Variants in CEP170B observed in about 807,000 individuals in gnomAD.
CEP170B encodes the protein centrosomal protein 170B.
CEP170B carries 55 observed loss-of-function variants against 120.6 expected under a neutral mutation model. The observed-to-expected ratio is 0.46, with a 90% CI of 0.37 to 0.57. The LOEUF (loss-of-function observed/expected upper bound fraction) is 0.57. Ranked by LOEUF, CEP170B falls within the 20% of genes least tolerant of loss-of-function variation. CEP170B has a pLI of 0.00. For synonymous variants in CEP170B, 1,033 were observed against 954.5 expected (o/e 1.08, Z -1.52); for missense variants, 2,212 against 2,253.3 (o/e 0.98, Z 0.37).
At chr14:104,874,952 GC>G (rs1042160442) in intron 2 of CEP170B, among the ~76,000 whole-genome samples, 1 of 152,234 alleles carries the variant, frequency 6.6e-6, no homozygotes, top group African/African-American at 2.4e-5. Context: ...CAGAGCCCTT[GC>G]CCCCAACTAG....
rs536421753 is a variant in CEP170B at position 104,894,802 on chromosome 14, G to A, written c.4509G>A (p.Lys1503=). The A allele has an allele frequency of 1.2e-6, 2 of 1,608,178 alleles. No homozygotes were observed. Among genetic ancestry groups the A allele is most frequent in the East Asian group, 4.5e-5 (2 of 44,862 alleles). Residue 1503 remains lysine, a synonymous_variant, in exon 19 of 19, where the codon AAG becomes AAA. Transcript: ENST00000414716. The part of the protein sequence containing the change: ...LASSAQPGLG[K]GRVAAQSPPS... ...GCTCTGCACAGCCGGGGCTGGGGAA[G>A]GGCCGCGTGGCTGCCCAGAGCCCAC...
chr14:104,873,219 G>C (rs1895666712), intron 2 of CEP170B, among the ~76,000 whole-genome samples: 1 of 151,396 alleles, frequency 6.6e-6, no homozygotes, highest in South Asian at 2.1e-4. Context: ...GGGCGGGGCA[G>C]CTGGGCTCGG....
chr14:104,875,655 G>A (rs1471694354), intron 2 of CEP170B, among the ~76,000 whole-genome samples: 1 of 152,154 alleles, frequency 6.6e-6, no homozygotes, highest in Non-Finnish European at 1.5e-5. Context: ...AAAGTGACTC[G>A]CCTCTGCCTC....
In CEP170B at chr14:104,886,805, C is replaced by T. The variant is rs756289925; in HGVS notation, c.2566C>T (p.Pro856Ser). 6.2e-7 allele frequency: 1 copy of T among 1,611,488 alleles called. No individual in the cohort carries two copies. Among genetic ancestry groups the T allele is most frequent in the Non-Finnish European group, 8.5e-7 (1 of 1,179,820 alleles). ...IQLRPGRSPE[P>S]DGPAPAFLRQ... Reference sequence around the variant, plus strand: ...GCTACGGCCTGGACGGTCCCCAGAACCCGACGGCCCTGCCCCAGCCTTTCT... The same window carrying T: ...GCTACGGCCTGGACGGTCCCCAGAATCCGACGGCCCTGCCCCAGCCTTTCT... Residue 856 changes from proline to serine, a missense_variant, in exon 12 of 19, where the codon CCC becomes TCC. Around this residue, in one of 2 missense-constraint regions of CEP170B, gnomAD observed 2,166 missense variants for 2,166.7 expected, o/e 1.00. Transcript: ENST00000414716.
chr14:104,889,896 G>T, intron 13 of CEP170B, 138 bp downstream of exon 13: 3 of 718,310 alleles, frequency 4.2e-6, no homozygotes, highest in Non-Finnish European at 6.7e-6. Context: ...CTGGCTGGAT[G>T]GATGGACAAA....
intron 10 of CEP170B, among the ~76,000 whole-genome samples, chr14:104,885,765 G>A (rs534349250): frequency 3.3e-4 from 50 of 152,346 alleles, no homozygotes; most frequent in African/African-American, 1.2e-3. Flanking sequence ...CTGAGGTCAG[G>A]ACAGGGCCAC....
In CEP170B at chr14:104,883,134, T is replaced by C. The variant is rs1226132277; in HGVS notation, c.677T>C (p.Phe226Ser). 1 of 1,601,942 alleles carries C rather than the reference T, an allele frequency of 6.2e-7. No individual in the cohort carries two copies. The change falls in exon 8 of 19, where the codon TTC (phenylalanine) becomes TCC (serine). Residue 226 changes from phenylalanine to serine, a missense_variant. Around this residue, in one of 2 missense-constraint regions of CEP170B, gnomAD observed 2,166 missense variants for 2,166.7 expected, o/e 1.00. Coordinates refer to ENST00000414716, the MANE Select transcript of CEP170B (RefSeq NM_001112726.3). ...TCGTTCCGGCGGGAGCCCAGCTACT[T>C]CGAGATCCCCACGAAGGAGACCCCG... Reference protein sequence around the residue: ...GCSFRREPSYFEIPTKETPQP... With the variant: ...GCSFRREPSYSEIPTKETPQP...
At position 104,887,371 on chromosome 14, in the gene CEP170B, C is replaced by T. The variant is rs763382709; in HGVS notation, c.3132C>T (p.Pro1044=). 1.2e-6 allele frequency: 2 copies of T among 1,612,042 alleles called. No individual in the cohort carries two copies. The highest frequency in any genetic ancestry group is 1.1e-5 in the South Asian group (1 of 91,034). The part of the protein sequence containing the change: ...GHRPRGSLDW[P]SEERGPVLAH... ...GGCCCCGAGGGTCCCTGGATTGGCC[C>T]AGTGAGGAGCGTGGCCCTGTCCTCG... The change falls in exon 12 of 19, where the codon CCC becomes CCT. Residue 1044 remains proline, a synonymous_variant. Coordinates refer to ENST00000414716, the MANE Select transcript of CEP170B (RefSeq NM_001112726.3).
intron 1 of CEP170B, among the ~76,000 whole-genome samples, chr14:104,866,205 C>T (rs1331808573): frequency 1.3e-5 from 2 of 152,340 alleles, no homozygotes; most frequent in African/African-American, 4.8e-5. Flanking sequence ...TCAGGGTGGG[C>T]GGCCGGGGCA....
chr14:104,888,664 G>A (rs1473556999), intron 12 of CEP170B, among the ~76,000 whole-genome samples: 2 of 152,360 alleles, frequency 1.3e-5, no homozygotes, highest in East Asian at 3.9e-4. Context: ...GCTGTCCTGC[G>A]AGTGGATTGG....
intron 13 of CEP170B, among the ~76,000 whole-genome samples, chr14:104,892,073 T>C (rs1338734891): frequency 6.6e-6 from 1 of 151,812 alleles, no homozygotes; most frequent in East Asian, 1.9e-4. Context: ...TGACTGCCAG[T>C]GTGGGGGCCG....
At chr14:104,889,796 G>A (rs1263321824) in intron 13 of CEP170B, 38 bp downstream of exon 13, 1 of 1,576,912 alleles carries the variant, frequency 6.3e-7, no homozygotes, top group East Asian at 2.3e-5. Context: ...CTGGGTGCCA[G>A]TGCGTTTTCT....
In CEP170B at chr14:104,867,523, C is replaced by G. The variant is rs1272691545; in HGVS notation, c.-27-901C>G. Among the ~76,000 whole-genome samples the G allele has an allele frequency of 6.6e-6, 1 of 152,198 alleles. No homozygotes were observed. Among genetic ancestry groups the G allele is most frequent in the East Asian group, 1.9e-4 (1 of 5,198 alleles). ...AGCCCATAGCAGCACTCAGGATGTG[C>G]TGGGCAGTGGGGTGGAGTGCCCAGG... On this transcript the variant is annotated intron_variant, in intron 1 of 18. Transcript: ENST00000414716. This position sits in a 1 kb window ranked among gnomAD's most constrained non-coding sequence, Gnocchi z 5.4.
Position 104,883,070 on chromosome 14 carries a change from C to T in CEP170B, c.613C>T (p.Leu205Phe). 6.4e-7 allele frequency: 1 copy of T among 1,555,010 alleles called. No homozygotes were observed. The highest frequency in any genetic ancestry group is 8.7e-7 in the Non-Finnish European group (1 of 1,153,674). The change falls in exon 8 of 19, where the codon CTC becomes TTC. Residue 205 changes from leucine to phenylalanine, a missense_variant. By Grantham distance (22) the Leu-to-Phe change is conservative. Transcript: ENST00000414716. ...GGGACCAGTGCAGCAGGACGGGGAG[C>T]TCCACGGCTTCCGCGCCCCTGCTGA... ...PKGPVQQDGE[L>F]HGFRAPAEPQ...
intron 3 of CEP170B, among the ~76,000 whole-genome samples, chr14:104,876,945 C>G (rs1289159803): frequency 6.6e-6 from 1 of 152,178 alleles, no homozygotes; most frequent in African/African-American, 2.4e-5. Flanking sequence ...GGGGTGGAAG[C>G]AGGCAGGAAG....
rs373735819 is a variant in CEP170B, at chr14:104,893,838, C to A, written c.4260C>A (p.Ala1420=). The change falls in exon 16 of 19, where the codon GCC becomes GCA. Residue 1420 remains alanine (A), a synonymous_variant. Transcript: ENST00000414716. ...TCCGTGAGAACACAGAGCACCTTGC[C>A]GAGAAGATGAAGTGAGTCGGCTTCC... ...QAIRENTEHL[A]EKMKILFQNT... 1.7e-5 allele frequency: 27 copies of A among 1,612,030 alleles called. No homozygotes were observed. Among genetic ancestry groups the A allele is most frequent in the Non-Finnish European group, 2.1e-5 (25 of 1,179,514 alleles).
rs748581988 is a variant in CEP170B at position 104,880,267 on chromosome 14, C to T, written c.334-20C>T. On this transcript the variant is annotated intron_variant, in intron 5 of 18. Transcript: ENST00000414716. Reference sequence around the variant, plus strand: ...CCTGAGGCTGGGCCCAGTACCTCACCCCGCCTGGCCTGCCCACAGCATGAA... The same window carrying T: ...CCTGAGGCTGGGCCCAGTACCTCACTCCGCCTGGCCTGCCCACAGCATGAA... The T allele has an allele frequency of 1.3e-6, 2 of 1,574,604 alleles. No homozygotes were observed. Among genetic ancestry groups the T allele is most frequent in the African/African-American group, 1.3e-5 (1 of 74,208 alleles).
chr14:104,880,192 T>C (rs911441631), intron 5 of CEP170B, 95 bp from the exon 6 acceptor site: 2 of 1,491,052 alleles, frequency 1.3e-6, no homozygotes, highest in African/African-American at 2.8e-5. Context: ...AAGTCATAGC[T>C]GGGCCCTCTG....
intron 13 of CEP170B, 101 bp downstream of exon 13, chr14:104,889,859 T>C (rs1896702319): frequency 1.6e-6 from 2 of 1,248,236 alleles, no homozygotes; most frequent in Admixed American, 2.2e-5. Context: ...CCTTCTTGAG[T>C]GGATAGATGG....
Sources: gnomAD v4.1 joint callset for allele counts (sites outside exome capture counted in the v4.1 genomes callset) on GRCh38, gnomAD v4.1.1 for gene constraint, gnomAD v4.1.1 regional missense constraint, Gnocchi (gnomAD v3.1) non-coding constraint, MANE v1.5 for transcripts, NCBI Gene and HGNC (gene_info 2026-07-23, HGNC 2026-07-21) for gene names.